The following C18orf63 variants were observed in gnomAD, a reference collection of about 807,000 sequenced individuals.
C18orf63 encodes the protein chromosome 18 open reading frame 63, also known as uncharacterized protein C18orf63.
A neutral mutation model predicts 75.3 loss-of-function variants in C18orf63; 50 were observed. That is an observed-to-expected ratio of 0.66 (90% CI 0.53 to 0.84). C18orf63 has a LOEUF of 0.84. Among genes scored for constraint, C18orf63 ranks in the 40% least tolerant of loss-of-function variants. C18orf63 has a pLI of 0.00. For synonymous variants in C18orf63, 232 were observed against 267.6 expected, an observed-to-expected ratio of 0.87 and a Z score of 1.30; for missense variants, 732 against 800.2, an observed-to-expected ratio of 0.91 and a Z score of 1.03.
chr18:74,321,899 T>G (rs1336582445), intron 3 of C18orf63, among the ~76,000 whole-genome samples: 1 of 152,244 alleles, frequency 6.6e-6, no homozygotes, highest in Non-Finnish European at 1.5e-5. Flanking sequence ...AACTTGCCAT[T>G]CATTTCCCCT....
intron 10 of C18orf63, 43 bp from the exon 11 acceptor site, chr18:74,343,476 T>A: frequency 7.6e-7 from 1 of 1,321,210 alleles, no homozygotes; most frequent in South Asian, 1.6e-5. Context: ...AATTTCTGCC[T>A]CTTATGTAAT....
At chr18:74,320,426 T>C in intron 2 of C18orf63, 87 bp from the exon 3 acceptor site, 2 of 889,254 alleles carry the variant, frequency 2.2e-6, no homozygotes, top group Non-Finnish European at 3.4e-6. Flanking sequence ...TTGCCAACAC[T>C]GGGGATTATA....
intron 8 of C18orf63, 112 bp from the exon 9 acceptor site, chr18:74,341,920 A>T: frequency 1.6e-6 from 1 of 607,068 alleles, no homozygotes; most frequent in Non-Finnish European, 2.9e-6. Flanking sequence ...TACTATATAT[A>T]GCTAGTGAGA....
At chr18:74,332,059 T>A (rs1395904528) in intron 7 of C18orf63, among the ~76,000 whole-genome samples, 1 of 152,144 alleles carries the variant, frequency 6.6e-6, no homozygotes, top group Non-Finnish European at 1.5e-5. Flanking sequence ...TCTCCCACCC[T>A]CATTTAAACC....
chr18:74,320,070 G>T (rs1041811069), intron 2 of C18orf63, among the ~76,000 whole-genome samples: 2 of 152,142 alleles, frequency 1.3e-5, no homozygotes, highest in African/African-American at 4.8e-5. Flanking sequence ...CTAAGCAAAG[G>T]TTTAAAATGT....
intron 3 of C18orf63, among the ~76,000 whole-genome samples, chr18:74,321,161 A>G: frequency 6.6e-6 from 1 of 152,158 alleles, no homozygotes; most frequent in South Asian, 2.1e-4. Flanking sequence ...TGTTTTTCTG[A>G]TATTTTAATT....
intron 8 of C18orf63, among the ~76,000 whole-genome samples, chr18:74,340,848 G>C (rs1984468658): frequency 6.6e-6 from 1 of 152,094 alleles, no homozygotes; most frequent in Non-Finnish European, 1.5e-5. Flanking sequence ...CCGGGGCTGG[G>C]TAGGTGGGAG....
intron 13 of C18orf63, among the ~76,000 whole-genome samples, 153 bp downstream of exon 13, chr18:74,354,699 T>C (rs1165409579): frequency 2.0e-5 from 3 of 152,208 alleles, no homozygotes; most frequent in African/African-American, 7.2e-5. Flanking sequence ...TGGGAACAGT[T>C]CACTCCTTGA....
Position 74,343,722 on chromosome 18 carries a change from A to G in C18orf63, c.978+20A>G, listed in dbSNP as rs1473215740. On this transcript the variant is annotated intron_variant, in intron 11 of 13. Coordinates refer to ENST00000579455, the MANE Select transcript of C18orf63 (RefSeq NM_001174123.2). ...ATACAGGTAAGAGATCTCTTGTCCT[A>G]TCTAGTTCTCCAAGACATACTATCC... 1.1e-5 allele frequency: 16 copies of G among 1,430,742 alleles called. No homozygotes were observed. The South Asian group carries it at 1.6e-4, about 14-fold the overall frequency. The allele number at this position is 1,430,742 out of a possible 1,614,324, so 88.6% of individuals were successfully genotyped here.
At chr18:74,338,223 A>G (rs920056983) in intron 7 of C18orf63, among the ~76,000 whole-genome samples, 5 of 152,152 alleles carry the variant, frequency 3.3e-5, no homozygotes, top group African/African-American at 1.2e-4. Flanking sequence ...CTTGAGGAAC[A>G]GGGAAGAAAG....
chr18:74,357,340 A>ATATG lies in C18orf63; in HGVS notation c.*901_*904dup, dbSNP rs1984784322. The ATATG allele has an allele frequency of 6.6e-6, 1 of 152,150 alleles. No homozygotes were observed. Among genetic ancestry groups the ATATG allele is most frequent in the South Asian group, 2.1e-4 (1 of 4,830 alleles). The allele number at this position is 152,150 out of a possible 1,614,324, so 9.4% of individuals were successfully genotyped here. A position where few individuals can be genotyped will look rare whatever the true frequency, so the allele number is the denominator to read the frequency against. On this transcript the variant is annotated 3_prime_UTR_variant, in exon 14 of 14. Coordinates refer to ENST00000579455, the MANE Select transcript of C18orf63 (RefSeq NM_001174123.2). ...CTGGGTTCCTGGCACAGACTTAGGGATATGTATGTATTGAAGCATATGTCC... is the reference window on the plus strand; with the variant it reads ...CTGGGTTCCTGGCACAGACTTAGGGATATGTATGTATGTATTGAAGCATATGTCC...
chr18:74,325,707 A>G (rs1984195866), intron 4 of C18orf63, among the ~76,000 whole-genome samples: 1 of 152,176 alleles, frequency 6.6e-6, no homozygotes, highest in African/African-American at 2.4e-5. Flanking sequence ...AAACTTTCCA[A>G]AATGAGGCTG....
chr18:74,349,994 G>A (rs1031903226), intron 11 of C18orf63, among the ~76,000 whole-genome samples: 3 of 152,168 alleles, frequency 2.0e-5, no homozygotes, highest in African/African-American at 7.2e-5. Context: ...CTGTATAGGA[G>A]CACAAGGAGG....
chr18:74,329,856 G>T (rs771676838), intron 6 of C18orf63, among the ~76,000 whole-genome samples: 5 of 152,322 alleles, frequency 3.3e-5, no homozygotes, highest in Non-Finnish European at 5.9e-5. Flanking sequence ...AGAGATAGCA[G>T]ATAGATGATA....
chr18:74,349,436 A>AGGGTCCATGGACCT (rs1599009336), intron 11 of C18orf63, among the ~76,000 whole-genome samples: 1 of 152,120 alleles, frequency 6.6e-6, no homozygotes, highest in East Asian at 1.9e-4. Flanking sequence ...TCATGGACCT[A>AGGGTCCATGGACCT]CCAGTCCATG....
chr18:74,322,807 G>C, intron 4 of C18orf63, 53 bp downstream of exon 4: 1 of 608,872 alleles, frequency 1.6e-6, no homozygotes, highest in East Asian at 3.3e-5. Flanking sequence ...GGGATTATAC[G>C]TTCCACTCCT....
intron 7 of C18orf63, among the ~76,000 whole-genome samples, chr18:74,331,211 C>T (rs1308321519): frequency 6.6e-6 from 1 of 152,096 alleles, no homozygotes; most frequent in Non-Finnish European, 1.5e-5. Flanking sequence ...CCGAGACTCT[C>T]CACAACCTAT....
At chr18:74,348,742 A>T (rs1262736524) in intron 11 of C18orf63, among the ~76,000 whole-genome samples, 1 of 152,132 alleles carries the variant, frequency 6.6e-6, no homozygotes, top group African/African-American at 2.4e-5. Flanking sequence ...TATTAAGTAT[A>T]TTTAAGTTCT....
rs913973254 is a variant in C18orf63, at chr18:74,338,765, C to G, written c.552C>G (p.Asn184Lys). ...GTATTATAAAGGATTTTCATGCTAA[C>G]AAGCATGCTGTCATTGAGAGACATT... is the stretch of plus-strand genomic sequence containing the variant. ...SQSIIKDFHANKHAVIERHSI... is the reference protein window; with the variant it reads ...SQSIIKDFHAKKHAVIERHSI... The change falls in exon 8 of 14, where the codon AAC becomes AAG. Residue 184 changes from asparagine to lysine, a missense_variant. Asn to Lys is a moderately conservative substitution (Grantham distance 94, BLOSUM62 0). Transcript: ENST00000579455. 2.8e-5 allele frequency: 40 copies of G among 1,426,442 alleles called. No homozygotes were observed. Among genetic ancestry groups the G allele is most frequent in the Non-Finnish European group, 3.3e-5 (36 of 1,079,644 alleles). The allele number at this position is 1,426,442 out of a possible 1,614,324, so 88.4% of individuals were successfully genotyped here. A position where few individuals can be genotyped will look rare whatever the true frequency, so the allele number is the denominator to read the frequency against.
Sources: gnomAD v4.1 joint callset for allele counts (sites outside exome capture counted in the v4.1 genomes callset) on GRCh38, gnomAD v4.1.1 for gene constraint, MANE v1.5 for transcripts, NCBI Gene and HGNC (gene_info 2026-07-23, HGNC 2026-07-21) for gene names.